KIF21A: variants seen among roughly 807,000 people sequenced by gnomAD.
KIF21A encodes kinesin family member 21A, also known as kinesin-like protein KIF21A.
A neutral mutation model predicts 202.9 loss-of-function variants in KIF21A; 114 were observed. The ratio of observed to expected loss-of-function variants is 0.56; its 90% CI spans 0.48 to 0.66. KIF21A has a LOEUF of 0.66. KIF21A is among the 30% of genes least tolerant of loss of function. The pLI is 0.00. For synonymous variants in KIF21A, 667 were observed against 670.8 expected (o/e 0.99, Z 0.09); for missense variants, 1,677 against 1,994.9 (o/e 0.84, Z 3.04).
At chr12:39,430,342 G>T (rs1937691084) in intron 1 of KIF21A, among the ~76,000 whole-genome samples, 1 of 152,034 alleles carries the variant, frequency 6.6e-6, no homozygotes, top group Non-Finnish European at 1.5e-5. Context: ...GAGGTGGGCG[G>T]ATCACCTGAG....
intron 10 of KIF21A, among the ~76,000 whole-genome samples, chr12:39,352,484 A>G (rs1948467214): frequency 6.6e-6 from 1 of 152,160 alleles, no homozygotes; most frequent in South Asian, 2.1e-4. Context: ...TTAATACTCA[A>G]AAGAATTCTA....
rs1321630448 is a variant in KIF21A, at chr12:39,427,554, T to G, written c.44+15373A>C. Among the ~76,000 whole-genome samples, 4 of 152,258 alleles carry G rather than the reference T, an allele frequency of 2.6e-5. No homozygotes were observed. In the South Asian group the frequency reaches 8.3e-4, roughly 31 times the overall value. On this transcript the variant is annotated intron_variant, in intron 1 of 37. Coordinates refer to ENST00000361418, the MANE Select transcript of KIF21A (RefSeq NM_001173464.2). ...TACTTTTCATCATCAAAGTTCATTT[T>G]AAAATATTCAATAGTAAAAAGAAAA...
chr12:39,319,078 A>G (rs1287846384), intron 28 of KIF21A, among the ~76,000 whole-genome samples: 1 of 152,240 alleles, frequency 6.6e-6, no homozygotes, highest in African/African-American at 2.4e-5. Flanking sequence ...AGTGGATGGT[A>G]TAGAATTGTC....
chr12:39,385,332 A>G (rs1170854065), intron 1 of KIF21A, among the ~76,000 whole-genome samples: 2 of 152,128 alleles, frequency 1.3e-5, no homozygotes, highest in Non-Finnish European at 2.9e-5. Flanking sequence ...ACCAGTACCA[A>G]TATCAGATAT....
At chr12:39,422,750 C>G (rs1282011193) in intron 1 of KIF21A, among the ~76,000 whole-genome samples, 1 of 152,188 alleles carries the variant, frequency 6.6e-6, no homozygotes, top group Non-Finnish European at 1.5e-5. Context: ...TACAAGCTTC[C>G]AAGATCATCC....
At chr12:39,305,752 A>G (rs1206441448) in intron 34 of KIF21A, among the ~76,000 whole-genome samples, 6 of 152,230 alleles carry the variant, frequency 3.9e-5, no homozygotes, top group Admixed American at 3.9e-4. Context: ...AAATGTCTGA[A>G]TATGTGATAG....
chr12:39,336,438 T>A (rs1297563496), intron 17 of KIF21A, among the ~76,000 whole-genome samples: 1 of 152,108 alleles, frequency 6.6e-6, no homozygotes, highest in Non-Finnish European at 1.5e-5. Flanking sequence ...TTACACTTAA[T>A]GCATGGTCAT....
intron 1 of KIF21A, among the ~76,000 whole-genome samples, chr12:39,379,321 C>T (rs1950465227): frequency 7.4e-6 from 1 of 134,878 alleles, no homozygotes; most frequent in African/African-American, 3.1e-5. Context: ...AAGCAAGACT[C>T]TGTCTAAAAA....
intron 37 of KIF21A, among the ~76,000 whole-genome samples, chr12:39,300,373 C>A (rs1052583686): frequency 1.3e-5 from 2 of 151,666 alleles, no homozygotes; most frequent in Non-Finnish European, 2.9e-5. Context: ...AAGGTAAGCA[C>A]GTTAGAAAAA....
chr12:39,357,647 T>G (rs535539678), intron 8 of KIF21A, among the ~76,000 whole-genome samples: 1 of 152,010 alleles, frequency 6.6e-6, no homozygotes, highest in Admixed American at 6.6e-5. Context: ...CAGTGGCTGA[T>G]ACCTGTAATC....
At chr12:39,391,841 G>A (rs182204906) in intron 1 of KIF21A, among the ~76,000 whole-genome samples, 52 of 152,156 alleles carry the variant, frequency 3.4e-4, no homozygotes, top group African/African-American at 1.2e-3. Flanking sequence ...CCGGGTTCAA[G>A]CAATTTTCTG....
chr12:39,334,606 A>C (rs1302523402), intron 17 of KIF21A, among the ~76,000 whole-genome samples: 2 of 152,190 alleles, frequency 1.3e-5, no homozygotes, highest in African/African-American at 2.4e-5. Context: ...TGTTACATTA[A>C]ATTTCTTCCT....
chr12:39,402,980 T>C (rs1170904500), intron 1 of KIF21A, among the ~76,000 whole-genome samples: 3 of 152,222 alleles, frequency 2.0e-5, no homozygotes, highest in African/African-American at 7.2e-5. Context: ...TGCTGGTTCA[T>C]GAAGCAGTGT....
chr12:39,369,251 G>C (rs1216223388), intron 3 of KIF21A, among the ~76,000 whole-genome samples: 1 of 152,130 alleles, frequency 6.6e-6, no homozygotes. Context: ...TTGAGGCCAG[G>C]AGTTCGAGAC....
At chr12:39,416,715 GTATATA>G (rs35740569) in intron 1 of KIF21A, among the ~76,000 whole-genome samples, 2 of 74,312 alleles carry the variant, frequency 2.7e-5, no homozygotes, top group South Asian at 5.2e-4. Flanking sequence ...ATATATGTGT[GTATATA>G]TGTACATATA....
intron 7 of KIF21A, among the ~76,000 whole-genome samples, chr12:39,360,728 C>G (rs776344652): frequency 4.6e-5 from 7 of 152,028 alleles, no homozygotes; most frequent in Non-Finnish European, 1.0e-4. Context: ...TTTATACTTT[C>G]CTGTATTTTC....
At chr12:39,427,495 A>T (rs1421277716) in intron 1 of KIF21A, among the ~76,000 whole-genome samples, 2 of 152,222 alleles carry the variant, frequency 1.3e-5, no homozygotes, top group African/African-American at 4.8e-5. Flanking sequence ...AGTCAGTGAA[A>T]CAGAAGGGAT....
intron 37 of KIF21A, 23 bp from the exon 38 acceptor site, chr12:39,294,540 T>G: frequency 6.5e-7 from 1 of 1,549,902 alleles, no homozygotes; most frequent in Middle Eastern, 1.7e-4. Flanking sequence ...AAACAAAACA[T>G]GGATATATGA....
chr12:39,417,666 C>T (rs935505973), intron 1 of KIF21A, among the ~76,000 whole-genome samples: 1 of 152,120 alleles, frequency 6.6e-6, no homozygotes, highest in Non-Finnish European at 1.5e-5. Context: ...AGAACATTTG[C>T]TCCATGGAAT....
Sources: gnomAD v4.1 joint callset for allele counts (sites outside exome capture counted in the v4.1 genomes callset) on GRCh38, gnomAD v4.1.1 for gene constraint, MANE v1.5 for transcripts, NCBI Gene and HGNC (gene_info 2026-07-23, HGNC 2026-07-21) for gene names.